The following LRRC4C variants were observed in gnomAD, a reference collection of about 807,000 sequenced individuals.
LRRC4C encodes the protein leucine rich repeat containing 4C.
Under a neutral mutation model 33.6 loss-of-function variants are expected in LRRC4C, and 5 were observed. The ratio of observed to expected loss-of-function variants is 0.15; its 90% confidence interval spans 0.08 to 0.31. LRRC4C has a LOEUF of 0.31. LRRC4C is among the 10% of genes least tolerant of loss of function. The pLI, the probability that LRRC4C is intolerant of heterozygous loss-of-function variation, is 1.00. For synonymous variants in LRRC4C, 329 were observed against 302.0 expected, an observed-to-expected ratio of 1.09 and a Z score of -0.93; for missense variants, 560 against 796.7, an observed-to-expected ratio of 0.70 and a Z score of 3.58.
intron 4 of LRRC4C, among the ~76,000 whole-genome samples, chr11:40,255,039 T>C (rs186732188): frequency 6.6e-6 from 1 of 152,216 alleles, no homozygotes; most frequent in African/African-American, 2.4e-5. Flanking sequence ...CTCAAACTCC[T>C]GACCTCCCAC....
intron 1 of LRRC4C, among the ~76,000 whole-genome samples, chr11:40,993,425 G>A (rs926282037): frequency 1.3e-5 from 2 of 152,050 alleles, no homozygotes; most frequent in Non-Finnish European, 2.9e-5. Flanking sequence ...AGTTCTAGTG[G>A]AGTTATTGCT....
chr11:41,163,758 C>T (rs1944589012), intron 1 of LRRC4C, among the ~76,000 whole-genome samples: 1 of 151,576 alleles, frequency 6.6e-6, no homozygotes, highest in Non-Finnish European at 1.5e-5. Flanking sequence ...ATTACAGGTG[C>T]CCACAAACAC....
chr11:40,459,454 A>G (rs1336474854), intron 3 of LRRC4C, among the ~76,000 whole-genome samples: 2 of 152,144 alleles, frequency 1.3e-5, no homozygotes, highest in African/African-American at 2.4e-5. Context: ...AAGCATTATA[A>G]CTTATTAAAT....
chr11:41,076,397 A>G (rs557071641), intron 1 of LRRC4C, among the ~76,000 whole-genome samples: 8 of 152,308 alleles, frequency 5.3e-5, no homozygotes, highest in African/African-American at 1.9e-4. Context: ...ATTTACTTAC[A>G]GTTCTGCAGG....
intron 1 of LRRC4C, among the ~76,000 whole-genome samples, chr11:41,314,197 G>A (rs999383407): frequency 6.6e-6 from 1 of 152,142 alleles, no homozygotes; most frequent in Non-Finnish European, 1.5e-5. Flanking sequence ...TGATGTGGGA[G>A]TATTGCTGAA....
At position 40,336,037 on chromosome 11, in the gene LRRC4C, T is replaced by C. The variant is rs548562694; in HGVS notation, c.-269-16316A>G. 4.9e-4 allele frequency among the ~76,000 whole-genome samples: 75 copies of C among 152,356 alleles called. 3 individuals carry two copies. The South Asian group carries it at 0.013, about 26-fold the overall frequency. The stretch of plus-strand genomic sequence containing the variant: ...TGCCTGACACATACTAAGCATTGTA[T>C]GAGTATGAGGTCTTTATATTTATTT... On this transcript the variant is annotated intron_variant, in intron 3 of 6. Coordinates refer to ENST00000528697, the MANE Select transcript of LRRC4C (RefSeq NM_001258419.2).
At chr11:40,233,930 G>A (rs1865376647) in intron 5 of LRRC4C, among the ~76,000 whole-genome samples, 1 of 152,104 alleles carries the variant, frequency 6.6e-6, no homozygotes, top group African/African-American at 2.4e-5. Context: ...ATCCTTCTAA[G>A]TACTTCACAT....
intron 1 of LRRC4C, among the ~76,000 whole-genome samples, chr11:41,335,480 T>C (rs1029999699): frequency 6.6e-6 from 1 of 152,138 alleles, no homozygotes; most frequent in Non-Finnish European, 1.5e-5. Flanking sequence ...TGAGCTTTAA[T>C]TTTTTTGTAA....
chr11:41,418,737 T>C (rs1954776317), intron 1 of LRRC4C, among the ~76,000 whole-genome samples: 2 of 152,018 alleles, frequency 1.3e-5, no homozygotes, highest in Admixed American at 1.3e-4. Flanking sequence ...CCAGCTAAAT[T>C]ACTTTCTAAA....
intron 1 of LRRC4C, among the ~76,000 whole-genome samples, chr11:41,314,597 A>C (rs1950733031): frequency 1.3e-5 from 2 of 152,144 alleles, no homozygotes. Flanking sequence ...GGAATTGAAC[A>C]ATGAGATCAC....
chr11:40,500,703 C>A (rs1954719485), intron 3 of LRRC4C, among the ~76,000 whole-genome samples: 1 of 152,102 alleles, frequency 6.6e-6, no homozygotes, highest in African/African-American at 2.4e-5. Context: ...TTCCACAACA[C>A]ATGGAAATTA....
chr11:40,383,142 T>C (rs1948959266), intron 3 of LRRC4C, among the ~76,000 whole-genome samples: 1 of 152,230 alleles, frequency 6.6e-6, no homozygotes, highest in African/African-American at 2.4e-5. Context: ...GTCTGGCTTA[T>C]TTCACCTAGC....
intron 1 of LRRC4C, among the ~76,000 whole-genome samples, chr11:41,223,212 G>T (rs775944485): frequency 9.2e-5 from 14 of 152,144 alleles, no homozygotes; most frequent in Non-Finnish European, 1.6e-4. Context: ...GAGAGTCATT[G>T]TTCTATAGGC....
intron 3 of LRRC4C, among the ~76,000 whole-genome samples, chr11:40,465,464 T>TA (rs1306569383): frequency 1.3e-5 from 2 of 151,696 alleles, no homozygotes; most frequent in East Asian, 3.9e-4. Context: ...TTAATTAAAC[T>TA]AAAAAACCTT....
chr11:41,228,711 A>G (rs766067526), intron 1 of LRRC4C, among the ~76,000 whole-genome samples: 2 of 152,086 alleles, frequency 1.3e-5, no homozygotes, highest in Non-Finnish European at 2.9e-5. Flanking sequence ...CTCCTTGTCT[A>G]TAATTTCTCT....
chr11:41,419,718 A>G (rs2138308917), intron 1 of LRRC4C, among the ~76,000 whole-genome samples: 1 of 152,096 alleles, frequency 6.6e-6, no homozygotes, highest in South Asian at 2.1e-4. Context: ...AAAACTCTCC[A>G]TAAACCACTG....
intron 1 of LRRC4C, among the ~76,000 whole-genome samples, chr11:41,255,348 A>T (rs940854365): frequency 6.6e-6 from 1 of 152,014 alleles, no homozygotes; most frequent in Non-Finnish European, 1.5e-5. Flanking sequence ...ACTAATAAAA[A>T]CAAACACAAT....
chr11:40,823,519 T>A (rs1319292345), intron 2 of LRRC4C, among the ~76,000 whole-genome samples: 1 of 151,756 alleles, frequency 6.6e-6, no homozygotes, highest in East Asian at 1.9e-4. Flanking sequence ...AAAAGGTGAA[T>A]AATTATAAAA....
intron 3 of LRRC4C, among the ~76,000 whole-genome samples, chr11:40,343,199 C>T (rs1015787453): frequency 1.1e-4 from 17 of 152,112 alleles, no homozygotes; most frequent in African/African-American, 4.1e-4. Flanking sequence ...GACATGTTTG[C>T]TAAGAATGCA....
Sources: allele counts gnomAD v4.1 joint callset (sites outside exome capture counted in the v4.1 genomes callset), GRCh38; gene constraint gnomAD v4.1.1; transcripts MANE v1.5; gene names NCBI Gene and HGNC (gene_info 2026-07-23, HGNC 2026-07-21).